SMAD9: variants seen among roughly 807,000 people sequenced by gnomAD.
SMAD9 encodes MAD homolog 9.
SMAD9 carries 36 observed loss-of-function variants against 46.1 expected under a neutral mutation model. The ratio of observed to expected loss-of-function variants is 0.78; its 90% CI spans 0.60 to 1.03. SMAD9 has a LOEUF of 1.03. Ranked by LOEUF, SMAD9 falls within the 50% of genes least tolerant of loss-of-function variation. The pLI, the probability that SMAD9 is intolerant of heterozygous loss-of-function variation, is 0.00. For missense variants in SMAD9, 572 were observed against 599.8 expected, an observed-to-expected ratio of 0.95 and a Z score of 0.48; for synonymous variants, 245 against 237.1, an observed-to-expected ratio of 1.03 and a Z score of -0.31.
At chr13:36,871,084 A>AG (rs1490689974) in intron 3 of SMAD9, among the ~76,000 whole-genome samples, 1 of 152,158 alleles carries the variant, frequency 6.6e-6, no homozygotes, top group Non-Finnish European at 1.5e-5. Context: ...ACCTCAGATA[A>AG]GGGGGGACAA....
chr13:36,918,901 A>G (rs1397283740), intron 1 of SMAD9, among the ~76,000 whole-genome samples: 1 of 152,208 alleles, frequency 6.6e-6, no homozygotes, highest in Non-Finnish European at 1.5e-5. Context: ...AGGAGGCAGC[A>G]TTATTAAATG....
In SMAD9 at chr13:36,911,517, ATC is replaced by A. The variant is rs200695642; in HGVS notation, c.-187+8597_-187+8598del. Among the ~76,000 whole-genome samples the A allele has an allele frequency of 2.2e-3, 329 of 150,176 alleles. 4 individuals are homozygous for A. Among genetic ancestry groups the A allele is most frequent in the Admixed American group, 0.017 (243 of 14,642 alleles). ...GTAAAGTATTAAATGACTATAAATC[ATC>A]TGTTTAATATATATATTTTTAATGA... On this transcript the variant is annotated intron_variant, in intron 1 of 6. Transcript: ENST00000379826.
chr13:36,867,692 T>A (rs969980152), intron 3 of SMAD9, among the ~76,000 whole-genome samples: 1 of 152,202 alleles, frequency 6.6e-6, no homozygotes, highest in Non-Finnish European at 1.5e-5. Flanking sequence ...GCTTTTCTCA[T>A]AGCAGAATAG....
chr13:36,918,106 G>A (rs1220995377), intron 1 of SMAD9, among the ~76,000 whole-genome samples: 1 of 152,112 alleles, frequency 6.6e-6, no homozygotes, highest in Admixed American at 6.6e-5. Flanking sequence ...AGATGCAAGA[G>A]TTGACATCTG....
At chr13:36,856,597 G>A (rs1419964256) in intron 5 of SMAD9, among the ~76,000 whole-genome samples, 1 of 152,212 alleles carries the variant, frequency 6.6e-6, no homozygotes, top group African/African-American at 2.4e-5. Context: ...AGCATCTGAG[G>A]AGGAGTCAAG....
intron 5 of SMAD9, among the ~76,000 whole-genome samples, chr13:36,863,182 T>A (rs116587427): frequency 0.012 from 1,876 of 152,296 alleles, 37 homozygotes; most frequent in African/African-American, 0.043. Flanking sequence ...CATGGCAGCA[T>A]CTGAGAGAGA....
intron 5 of SMAD9, among the ~76,000 whole-genome samples, chr13:36,862,157 C>T (rs1160463266): frequency 1.3e-5 from 2 of 152,158 alleles, no homozygotes; most frequent in African/African-American, 4.8e-5. Flanking sequence ...TCCTTGCTCT[C>T]TGTGTCACAG....
chr13:36,895,191 T>A (rs1178460482), intron 1 of SMAD9, among the ~76,000 whole-genome samples: 2 of 152,180 alleles, frequency 1.3e-5, no homozygotes, highest in Admixed American at 6.5e-5. Flanking sequence ...CCCAAATTTC[T>A]ATACCCATAT....
At position 36,853,652 on chromosome 13, in the gene SMAD9, C is replaced by T; in HGVS notation, c.1027G>A (p.Gly343Arg). Residue 343 changes from glycine (G) to arginine (R), a missense_variant, in exon 6 of 7, where the codon GGA (glycine) becomes AGA (arginine). Gly to Arg is a moderately radical substitution (Grantham distance 125, BLOSUM62 -2). Coordinates refer to ENST00000379826, the MANE Select transcript of SMAD9 (RefSeq NM_001127217.3). The part of the protein sequence containing the change: ...GKGVHLYYVG[G>R]EVYAECVSDS... ...CTCACGCACTCGGCATACACCTCTC[C>T]CCCGACGTAGTACAAGTGCACACCT... 1 of 1,614,110 alleles carries T rather than the reference C, an allele frequency of 6.2e-7. No individual in the cohort carries two copies. Among genetic ancestry groups the T allele is most frequent in the East Asian group, 2.2e-5 (1 of 44,872 alleles).
At chr13:36,870,565 G>A (rs2058281347) in intron 3 of SMAD9, among the ~76,000 whole-genome samples, 1 of 131,570 alleles carries the variant, frequency 7.6e-6, no homozygotes, top group Non-Finnish European at 1.7e-5. Context: ...CAGGCTACCT[G>A]TATGTGATGG....
In SMAD9 at chr13:36,920,227, G is replaced by A. The variant is rs1411675587; in HGVS notation, c.-298C>T. The A allele has an allele frequency of 6.1e-6, 1 of 163,248 alleles. No individual in the cohort carries two copies. Among genetic ancestry groups the A allele is most frequent in the African/African-American group, 2.4e-5 (1 of 41,214 alleles). The allele number at this position is 163,248 out of a possible 1,614,324, so 10.1% of individuals were successfully genotyped here. ...GGCGGCGGCGGCGGCCCCAGCCGGC[G>A]TCAGTCAGACTGGAGCCGCGAAGCC... On this transcript the variant is annotated 5_prime_UTR_variant, in exon 1 of 7. It adds an upstream start codon to the 5' untranslated region. Transcript: ENST00000379826.
At chr13:36,908,081 T>C (rs756697618) in intron 1 of SMAD9, among the ~76,000 whole-genome samples, 19 of 152,222 alleles carry the variant, frequency 1.2e-4, no homozygotes, top group Non-Finnish European at 2.5e-4. Context: ...TGTAAACATA[T>C]CCATTTTCTC....
chr13:36,848,695 G>A lies in SMAD9; in HGVS notation c.1385C>T (p.Pro462Leu), dbSNP rs756732451. 2 of 1,614,174 alleles carry A rather than the reference G, an allele frequency of 1.2e-6. No individual in the cohort carries two copies. The highest frequency in any genetic ancestry group is 4.5e-5 in the East Asian group (2 of 44,886). ...VLTQMGSPHN[P>L]ISSVS ...TGACTGTTAAGACACTGAAGAAATG[G>A]GGTTATGTGGAGAGCCCATCTGAGT... Residue 462 changes from proline to leucine, a missense_variant, in exon 7 of 7, where the codon CCC becomes CTC. Physicochemically the swap from Pro to Leu is moderately conservative, Grantham distance 98. Transcript: ENST00000379826.
chr13:36,877,001 A>T (rs554562549), intron 2 of SMAD9, among the ~76,000 whole-genome samples: 2 of 152,322 alleles, frequency 1.3e-5, no homozygotes, highest in African/African-American at 4.8e-5. Context: ...CTAAATTATG[A>T]TAAAATGAAA....
intron 1 of SMAD9, among the ~76,000 whole-genome samples, chr13:36,883,564 AAC>A (rs2058421233): frequency 6.6e-6 from 1 of 152,218 alleles, no homozygotes; most frequent in African/African-American, 2.4e-5. Flanking sequence ...CAGCCTGGAC[AAC>A]ATGGTGAAAC....
intron 1 of SMAD9, among the ~76,000 whole-genome samples, chr13:36,915,893 T>C (rs1450451961): frequency 6.6e-6 from 1 of 152,114 alleles, no homozygotes; most frequent in African/African-American, 2.4e-5. Context: ...ATTAAAACGG[T>C]ACAACTGAAT....
At chr13:36,868,897 T>G (rs992815703) in intron 3 of SMAD9, among the ~76,000 whole-genome samples, 1 of 152,226 alleles carries the variant, frequency 6.6e-6, no homozygotes, top group African/African-American at 2.4e-5. Flanking sequence ...AATTGATTTT[T>G]TAAAATGTGG....
chr13:36,919,189 A>C (rs1369418257), intron 1 of SMAD9, among the ~76,000 whole-genome samples: 1 of 152,152 alleles, frequency 6.6e-6, no homozygotes, highest in Non-Finnish European at 1.5e-5. Context: ...CCAAACTATC[A>C]CTTCAAATGT....
chr13:36,861,337 T>G (rs1255095971), intron 5 of SMAD9, among the ~76,000 whole-genome samples: 1 of 152,000 alleles, frequency 6.6e-6, no homozygotes, highest in Non-Finnish European at 1.5e-5. Flanking sequence ...TTTTTTGAGA[T>G]GGAGCCTTGC....
Sources: allele counts gnomAD v4.1 joint callset (sites outside exome capture counted in the v4.1 genomes callset), GRCh38; gene constraint gnomAD v4.1.1; transcripts MANE v1.5; gene names NCBI Gene and HGNC (gene_info 2026-07-23, HGNC 2026-07-21).